Variants in PLEKHG4B observed in about 807,000 individuals in gnomAD.
PLEKHG4B encodes pleckstrin homology domain-containing family G member 4B.
PLEKHG4B carries 111 observed loss-of-function variants against 121.3 expected under a neutral mutation model. The observed-to-expected ratio is 0.92, with a 90% CI of 0.78 to 1.07. The LOEUF (loss-of-function observed/expected upper bound fraction) is 1.07. Among genes scored for constraint, PLEKHG4B ranks in the 50% least tolerant of loss-of-function variants. The pLI, the probability that PLEKHG4B is intolerant of heterozygous loss-of-function variation, is 0.00. For synonymous variants in PLEKHG4B, 738 were observed against 725.0 expected, an observed-to-expected ratio of 1.02 and a Z score of -0.29; for missense variants, 1,831 against 1,757.8, an observed-to-expected ratio of 1.04 and a Z score of -0.74.
At chr5:106,970 A>G in intron 1 of PLEKHG4B, among the ~76,000 whole-genome samples, 1 of 152,334 alleles carries the variant, frequency 6.6e-6, no homozygotes, top group East Asian at 1.9e-4. Flanking sequence ...CATATGCAGG[A>G]TGCAGTTCTT....
chr5:164,493 GCT>G (rs1359046949), intron 13 of PLEKHG4B, among the ~76,000 whole-genome samples: 1 of 121,098 alleles, frequency 8.3e-6, no homozygotes, highest in East Asian at 2.0e-4. Context: ...TCACACTAAT[GCT>G]CTGACAGGGG....
At chr5:126,679 T>C (rs1734622932) in intron 2 of PLEKHG4B, among the ~76,000 whole-genome samples, 1 of 152,218 alleles carries the variant, frequency 6.6e-6, no homozygotes, top group Non-Finnish European at 1.5e-5. Flanking sequence ...TTTTATGTTG[T>C]TGAAGCGGCA....
chr5:164,889 A>G (rs768985280), intron 13 of PLEKHG4B, among the ~76,000 whole-genome samples: 59 of 56,554 alleles, frequency 1.0e-3, no homozygotes, highest in Admixed American at 1.6e-3. Context: ...GACGGGGCGG[A>G]GCTCACACAG....
chr5:155,957 G>T (rs745432068), intron 9 of PLEKHG4B, 114 bp from the exon 10 acceptor site: 1 of 1,139,736 alleles, frequency 8.8e-7, no homozygotes, highest in Non-Finnish European at 1.2e-6. Context: ...CTGTCATGCC[G>T]CCAGGCCTGC....
chr5:111,304 GCCTGGCCC>G (rs1734150439), intron 1 of PLEKHG4B, among the ~76,000 whole-genome samples: 1 of 152,234 alleles, frequency 6.6e-6, no homozygotes, highest in Non-Finnish European at 1.5e-5. Context: ...GGCAGCTCTG[GCCTGGCCC>G]AGGCCCTGAG....
chr5:131,565 A>C (rs1040804996), intron 2 of PLEKHG4B, among the ~76,000 whole-genome samples: 1 of 152,226 alleles, frequency 6.6e-6, no homozygotes, highest in Non-Finnish European at 1.5e-5. Flanking sequence ...ATAGTGCCGC[A>C]GTAAACATAC....
At position 140,751 on chromosome 5, in the gene PLEKHG4B, C is replaced by T. The variant is rs752109246; in HGVS notation, c.1477+35C>T. On this transcript the variant is annotated intron_variant, in intron 3 of 19. Coordinates refer to ENST00000637938, the MANE Select transcript of PLEKHG4B (RefSeq NM_052909.5). Reference sequence around the variant, plus strand: ...CCCCACGCCCTCCCCTGCGCACCCCCACAACCTCCCCTACACATCCCACAA... The same window carrying T: ...CCCCACGCCCTCCCCTGCGCACCCCTACAACCTCCCCTACACATCCCACAA... 6.0e-6 allele frequency: 9 copies of T among 1,496,318 alleles called. No individual in the cohort carries two copies. In the Admixed American group the frequency reaches 8.7e-5, roughly 14 times the overall value. 92.7% of individuals were successfully genotyped at this position (1,496,318 alleles called of 1,614,324 possible).
chr5:101,271 A>T lies in PLEKHG4B; in HGVS notation c.45+8995A>T, dbSNP rs77558665. On this transcript the variant is annotated intron_variant, in intron 1 of 19. Transcript: ENST00000637938. ...TCTGTAGGGGAGACTGTTGTGAGGTAAATCCATATAAAGCCCTGGGAAAAG... is the reference window on the plus strand; with the variant it reads ...TCTGTAGGGGAGACTGTTGTGAGGTTAATCCATATAAAGCCCTGGGAAAAG... 2.5e-3 allele frequency among the ~76,000 whole-genome samples: 265 copies of T among 106,886 alleles called. 17 individuals carry two copies. Among genetic ancestry groups the T allele is most frequent in the East Asian group, 9.7e-3 (40 of 4,110 alleles). 70.1% of individuals were successfully genotyped at this position (106,886 alleles called of 152,430 possible). A position where few individuals can be genotyped will look rare whatever the true frequency, so the allele number is the denominator to read the frequency against.
intron 1 of PLEKHG4B, among the ~76,000 whole-genome samples, chr5:99,022 GCT>G (rs1249971365): frequency 1.4e-5 from 2 of 146,046 alleles, no homozygotes; most frequent in Admixed American, 6.8e-5. Flanking sequence ...TGGGTGTGGT[GCT>G]GTGCACCTGT....
At chr5:168,505 C>T in intron 13 of PLEKHG4B, among the ~76,000 whole-genome samples, 1 of 152,184 alleles carries the variant, frequency 6.6e-6, no homozygotes, top group Non-Finnish European at 1.5e-5. Context: ...ATCCAAAAGC[C>T]GTTTTCTCAC....
chr5:152,835 A>T (rs1258520944), intron 7 of PLEKHG4B, among the ~76,000 whole-genome samples: 2 of 152,150 alleles, frequency 1.3e-5, no homozygotes, highest in Non-Finnish European at 2.9e-5. Flanking sequence ...TGTTCTTCTG[A>T]TAGTGAGTGA....
At chr5:142,469 C>T (rs1560924315) in intron 3 of PLEKHG4B, among the ~76,000 whole-genome samples, 1 of 151,646 alleles carries the variant, frequency 6.6e-6, no homozygotes, top group African/African-American at 2.4e-5. Flanking sequence ...CAATCACATG[C>T]TCCAGAGTTA....
rs777029935 is a variant in PLEKHG4B at position 171,099 on chromosome 5, C to T, written c.3786C>T (p.Ala1262=). 1.2e-6 allele frequency: 2 copies of T among 1,613,370 alleles called. No homozygotes were observed. Among genetic ancestry groups the T allele is most frequent in the African/African-American group, 1.3e-5 (1 of 74,892 alleles). Residue 1262 remains alanine, a synonymous_variant, in exon 15 of 20, where the codon GCC becomes GCT. Transcript: ENST00000637938. ...GCAAAAACAAGCCGCAGTCGGATGC[C>T]CTGCTCAGCAGCCATGGCAACGCCT... ...IYSKNKPQSD[A]LLSSHGNAFF... is the part of the protein sequence containing the mutation.
chr5:126,864 G>A (rs1008530017), intron 2 of PLEKHG4B, among the ~76,000 whole-genome samples: 1 of 152,204 alleles, frequency 6.6e-6, no homozygotes, highest in Admixed American at 6.5e-5. Context: ...AATCTGGCCT[G>A]CGGCAGAGAG....
At chr5:150,170 A>G (rs1346186929) in intron 6 of PLEKHG4B, among the ~76,000 whole-genome samples, 2 of 152,246 alleles carry the variant, frequency 1.3e-5, no homozygotes. Context: ...ACGATGGAAT[A>G]TTATCCAGCC....
intron 2 of PLEKHG4B, among the ~76,000 whole-genome samples, chr5:124,744 T>A (rs935867140): frequency 1.3e-5 from 2 of 152,244 alleles, no homozygotes; most frequent in Non-Finnish European, 2.9e-5. Context: ...GGATATATTT[T>A]TCCGTCTTTT....
intron 1 of PLEKHG4B, among the ~76,000 whole-genome samples, chr5:104,417 G>A (rs914275514): frequency 3.3e-5 from 5 of 152,138 alleles, no homozygotes; most frequent in African/African-American, 9.7e-5. Context: ...AGTATCCACC[G>A]TATCCAGCAT....
At chr5:134,100 T>TACATATATATATAC (rs1159244969) in intron 2 of PLEKHG4B, among the ~76,000 whole-genome samples, 1 of 126,828 alleles carries the variant, frequency 7.9e-6, no homozygotes. Flanking sequence ...TATATATATA[T>TACATATATATATAC]ATATATATAT....
chr5:155,053 T>G (rs918030628), intron 8 of PLEKHG4B, 62 bp downstream of exon 8: 10 of 1,390,634 alleles, frequency 7.2e-6, no homozygotes, highest in Middle Eastern at 3.6e-4. Context: ...GTTATGTGGT[T>G]GTTTTTACTA....
Sources: gnomAD v4.1 joint callset for allele counts (sites outside exome capture counted in the v4.1 genomes callset) on GRCh38, gnomAD v4.1.1 for gene constraint, MANE v1.5 for transcripts, NCBI Gene and HGNC (gene_info 2026-07-23, HGNC 2026-07-21) for gene names.